Variants in CNTNAP5 observed in about 807,000 individuals in gnomAD.
The protein encoded by CNTNAP5 is contactin-associated protein-like 5.
In CNTNAP5, 72 loss-of-function variants were observed where a neutral mutation model predicts 150.2. The ratio of observed to expected loss-of-function variants is 0.48; its 90% confidence interval spans 0.40 to 0.58. CNTNAP5 has a LOEUF of 0.58. Among genes scored for constraint, CNTNAP5 ranks in the 20% least tolerant of loss-of-function variants. CNTNAP5 has a pLI of 0.00. For synonymous variants in CNTNAP5, 672 were observed against 619.8 expected (o/e 1.08, Z -1.25); for missense variants, 1,636 against 1,626.2 (o/e 1.01, Z -0.10).
intron 1 of CNTNAP5, among the ~76,000 whole-genome samples, chr2:124,070,100 T>A (rs1682263607): frequency 6.6e-6 from 1 of 152,110 alleles, no homozygotes; most frequent in Admixed American, 6.6e-5. Context: ...GCAATTAGTG[T>A]TAAGTTGTCA....
intron 13 of CNTNAP5, among the ~76,000 whole-genome samples, chr2:124,707,888 T>G (rs1379569779): frequency 1.3e-5 from 2 of 152,170 alleles, no homozygotes; most frequent in Non-Finnish European, 2.9e-5. Context: ...CATCTTACAG[T>G]AAAAGTGACG....
rs192336640 is a variant in CNTNAP5 at position 124,918,955 on chromosome 2, G to A, written c.*4667G>A. 4.2e-4 allele frequency among the ~76,000 whole-genome samples: 64 copies of A among 152,120 alleles called. 1 individual carries two copies. In the East Asian group the frequency reaches 0.012, roughly 29 times the overall value. On this transcript the variant is annotated 3_prime_UTR_variant, in exon 24 of 24. Transcript: ENST00000682447. ...TCTTTAAAATACACATAATGTAATT[G>A]AATTATTTCTATATACTGTTCTTGA...
At chr2:124,601,516 AAC>A (rs1696982603) in intron 11 of CNTNAP5, among the ~76,000 whole-genome samples, 2 of 152,292 alleles carry the variant, frequency 1.3e-5, no homozygotes, top group African/African-American at 4.8e-5. Flanking sequence ...ACCAAAACAA[AAC>A]ACACAACAAT....
At chr2:124,398,650 C>A (rs890294013) in intron 3 of CNTNAP5, among the ~76,000 whole-genome samples, 2 of 152,062 alleles carry the variant, frequency 1.3e-5, no homozygotes, top group Non-Finnish European at 2.9e-5. Flanking sequence ...GCATGTGCCA[C>A]CATGCCTGGC....
intron 1 of CNTNAP5, among the ~76,000 whole-genome samples, chr2:124,128,024 CA>C (rs1368161371): frequency 6.6e-6 from 1 of 152,080 alleles, no homozygotes; most frequent in Non-Finnish European, 1.5e-5. Context: ...ACTAAAACAC[CA>C]AAAGCAATGG....
chr2:124,715,587 T>C (rs1679928273), intron 13 of CNTNAP5, among the ~76,000 whole-genome samples: 1 of 152,216 alleles, frequency 6.6e-6, no homozygotes, highest in Non-Finnish European at 1.5e-5. Flanking sequence ...TATGTATACA[T>C]GTGCCATGTT....
intron 19 of CNTNAP5, among the ~76,000 whole-genome samples, chr2:124,863,471 G>A (rs1353036634): frequency 6.6e-6 from 1 of 152,184 alleles, no homozygotes; most frequent in Non-Finnish European, 1.5e-5. Context: ...CCGGAAATCT[G>A]CGTGGTCAGA....
Position 124,388,995 on chromosome 2 carries a change from C to A in CNTNAP5, c.382-28448C>A, listed in dbSNP as rs75583005. ...GGGTTCATTCATTCCTGAACCAAAG[C>A]GGCTGAACGATGTCAACAGGACCAG... On this transcript the variant is annotated intron_variant, in intron 3 of 23. Coordinates refer to ENST00000682447, the MANE Select transcript of CNTNAP5 (RefSeq NM_001367498.1). Among the ~76,000 whole-genome samples the A allele has an allele frequency of 3.4e-3, 516 of 152,240 alleles. 3 individuals are homozygous for A. Among genetic ancestry groups the A allele is most frequent in the African/African-American group, 0.011 (477 of 41,536 alleles).
At chr2:124,314,601 T>C (rs998757987) in intron 3 of CNTNAP5, among the ~76,000 whole-genome samples, 1 of 152,210 alleles carries the variant, frequency 6.6e-6, no homozygotes, top group South Asian at 2.1e-4. Context: ...TTAATAATAT[T>C]TATGAGTTTG....
intron 13 of CNTNAP5, among the ~76,000 whole-genome samples, chr2:124,706,746 C>CAAGAAGAAGAAG (rs747166844): frequency 0.062 from 3,221 of 51,908 alleles, 247 homozygotes; most frequent in Non-Finnish European, 0.068. Flanking sequence ...GACTCTGTTT[C>CAAGAAGAAGAAG]AAGAAGAAGA....
At chr2:124,025,793 AATCAACT>A (rs1680870831) in intron 1 of CNTNAP5, 61 bp downstream of exon 1, 1 of 1,317,544 alleles carries the variant, frequency 7.6e-7, no homozygotes, top group Non-Finnish European at 1.1e-6. Flanking sequence ...TCAGAAAGAC[AATCAACT>A]ATCTAAGCGT....
intron 10 of CNTNAP5, among the ~76,000 whole-genome samples, chr2:124,552,280 G>T (rs1026098106): frequency 6.6e-6 from 1 of 152,142 alleles, no homozygotes; most frequent in Non-Finnish European, 1.5e-5. Flanking sequence ...TCTGGAACTC[G>T]CTGAGTCTCA....
chr2:124,515,945 T>A (rs531339470), intron 8 of CNTNAP5, among the ~76,000 whole-genome samples: 1 of 152,284 alleles, frequency 6.6e-6, no homozygotes, highest in Non-Finnish European at 1.5e-5. Flanking sequence ...GTGAGGTCCA[T>A]GATAACCTTG....
intron 16 of CNTNAP5, among the ~76,000 whole-genome samples, chr2:124,770,399 C>T (rs186057544): frequency 4.5e-4 from 69 of 152,058 alleles, no homozygotes; most frequent in Admixed American, 2.0e-4. Flanking sequence ...TCACAGCCAG[C>T]GAAACAGCAA....
At chr2:124,681,637 C>T (rs1372159371) in intron 13 of CNTNAP5, among the ~76,000 whole-genome samples, 1 of 152,206 alleles carries the variant, frequency 6.6e-6, no homozygotes, top group Non-Finnish European at 1.5e-5. Flanking sequence ...GATCTCTGCT[C>T]ACTGCAACTT....
At chr2:124,642,646 G>A (rs1428540156) in intron 12 of CNTNAP5, among the ~76,000 whole-genome samples, 1 of 152,084 alleles carries the variant, frequency 6.6e-6, no homozygotes, top group Non-Finnish European at 1.5e-5. Flanking sequence ...TCCTTTACTT[G>A]TAGTCTACAG....
chr2:124,635,807 A>G (rs971604580), intron 12 of CNTNAP5, among the ~76,000 whole-genome samples: 7 of 152,122 alleles, frequency 4.6e-5, no homozygotes, highest in African/African-American at 1.7e-4. Context: ...CTTGCTTGAG[A>G]GCTTTTTCTT....
chr2:124,141,995 C>T (rs1684123178), intron 1 of CNTNAP5, among the ~76,000 whole-genome samples: 1 of 144,538 alleles, frequency 6.9e-6, no homozygotes, highest in Admixed American at 7.0e-5. Context: ...CAATCCTAGT[C>T]TCTGATAAAA....
chr2:124,521,445 A>G (rs1694844046), intron 8 of CNTNAP5, among the ~76,000 whole-genome samples: 1 of 152,214 alleles, frequency 6.6e-6, no homozygotes, highest in Non-Finnish European at 1.5e-5. Flanking sequence ...AACTTGAAAG[A>G]GAGACATAGA....
Sources: allele counts gnomAD v4.1 joint callset (sites outside exome capture counted in the v4.1 genomes callset), GRCh38; gene constraint gnomAD v4.1.1; transcripts MANE v1.5; gene names NCBI Gene and HGNC (gene_info 2026-07-23, HGNC 2026-07-21).